Variants in PDE10A observed in about 807,000 individuals in gnomAD.
PDE10A encodes the protein phosphodiesterase 10A, also known as cAMP and cAMP-inhibited cGMP 3',5'-cyclic phosphodiesterase 10A.
Under a neutral mutation model 97.7 loss-of-function variants are expected in PDE10A, and 39 were observed. The ratio of observed to expected loss-of-function variants is 0.40; its 90% confidence interval spans 0.31 to 0.52. PDE10A has a LOEUF of 0.52. PDE10A is among the 20% of genes least tolerant of loss of function. The pLI, the probability that PDE10A is intolerant of heterozygous loss-of-function variation, is 0.56. For missense variants in PDE10A, 731 were observed against 1,047.8 expected, an observed-to-expected ratio of 0.70 and a Z score of 4.17; for synonymous variants, 371 against 376.8, an observed-to-expected ratio of 0.98 and a Z score of 0.18.
intron 1 of PDE10A, among the ~76,000 whole-genome samples, chr6:165,695,591 G>A (rs1486832125): frequency 6.6e-6 from 1 of 152,204 alleles, no homozygotes; most frequent in East Asian, 1.9e-4. Flanking sequence ...TTGGGAGTGG[G>A]GGAGAGGTGC....
intron 10 of PDE10A, among the ~76,000 whole-genome samples, chr6:165,422,619 T>C (rs1019575110): frequency 1.3e-5 from 2 of 152,194 alleles, no homozygotes; most frequent in African/African-American, 4.8e-5. Flanking sequence ...CAAGTCAAAC[T>C]AGCATAAAGG....
intron 1 of PDE10A, among the ~76,000 whole-genome samples, chr6:165,676,673 G>A (rs1402723603): frequency 6.6e-6 from 1 of 152,206 alleles, no homozygotes; most frequent in East Asian, 1.9e-4. Context: ...CTCACGGGCT[G>A]TTTAGGCCAC....
intron 1 of PDE10A, chr6:165,773,216 T>A (rs1207347400): frequency 1.3e-5 from 2 of 152,216 alleles, no homozygotes; most frequent in Non-Finnish European, 2.9e-5. Flanking sequence ...TTTCTCTTGT[T>A]TACTTATTGG....
At chr6:165,507,238 G>A (rs1169993567) in intron 2 of PDE10A, among the ~76,000 whole-genome samples, 1 of 152,020 alleles carries the variant, frequency 6.6e-6, no homozygotes, top group Non-Finnish European at 1.5e-5. Flanking sequence ...TTATTCTGAG[G>A]AGGAAGAGGT....
chr6:165,332,921 TA>T lies in PDE10A; in HGVS notation c.*103del. 1.4e-6 allele frequency: 1 copy of T among 735,950 alleles called. No homozygotes were observed. Among genetic ancestry groups the T allele is most frequent in the Non-Finnish European group, 2.5e-6 (1 of 404,828 alleles). The allele number at this position is 735,950 out of a possible 1,614,324, so 45.6% of individuals were successfully genotyped here. On this transcript the variant is annotated 3_prime_UTR_variant, in exon 22 of 22. Coordinates refer to ENST00000539869, the MANE Select transcript of PDE10A (RefSeq NM_001385079.1). ...TTCTTGAAGAGGTTTGCACCCCAGTTACCAGGTGCAGGTTCCCCCCACCCCC... is the reference window on the plus strand; with the variant it reads ...TTCTTGAAGAGGTTTGCACCCCAGTTCCAGGTGCAGGTTCCCCCCACCCCC...
rs1241239698 is a variant in PDE10A at position 165,691,203 on chromosome 6, C to CCACACACA, written c.-614-147643_-614-147636dup. ...TCTCTCTCTCCCTCTCTCTCTCTCCCCACACACACACACACACACACACAC... is the reference window on the plus strand; with the variant it reads ...TCTCTCTCTCCCTCTCTCTCTCTCCCCACACACACACACACACACACACACACACACAC... On this transcript the variant is annotated intron_variant, in intron 1 of 19. Transcript: ENST00000366882. Among the ~76,000 whole-genome samples, 110 of 108,650 alleles carry CCACACACA rather than the reference C, an allele frequency of 1.0e-3. 6 individuals carry two copies. The highest frequency in any genetic ancestry group is 4.5e-3 in the African/African-American group (99 of 22,232). The allele number at this position is 108,650 out of a possible 152,430, so 71.3% of individuals were successfully genotyped here.
At chr6:165,908,599 G>C (rs1164043068) in intron 1 of PDE10A, among the ~76,000 whole-genome samples, 1 of 152,184 alleles carries the variant, frequency 6.6e-6, no homozygotes, top group Non-Finnish European at 1.5e-5. Context: ...GTGAAGGCTG[G>C]AGGTGTCCCC....
chr6:165,968,914 G>T (rs909915277), intron 1 of PDE10A, among the ~76,000 whole-genome samples: 1 of 152,152 alleles, frequency 6.6e-6, no homozygotes, highest in Admixed American at 6.5e-5. Flanking sequence ...TCCATCTTAA[G>T]GTTGAATGCA....
intron 1 of PDE10A, among the ~76,000 whole-genome samples, chr6:165,923,446 A>G (rs1252167688): frequency 6.6e-6 from 1 of 152,230 alleles, no homozygotes; most frequent in African/African-American, 2.4e-5. Context: ...CACCGTCGAT[A>G]TGTAGATACA....
At chr6:165,510,187 A>G (rs1781430069) in intron 2 of PDE10A, among the ~76,000 whole-genome samples, 1 of 151,994 alleles carries the variant, frequency 6.6e-6, no homozygotes, top group African/African-American at 2.4e-5. Context: ...GCTTTCCCAC[A>G]TTCAGTATGA....
chr6:165,629,421 A>C (rs1362618054), intron 1 of PDE10A, among the ~76,000 whole-genome samples: 1 of 152,140 alleles, frequency 6.6e-6, no homozygotes, highest in Non-Finnish European at 1.5e-5. Flanking sequence ...GCCAGAAAAG[A>C]AGCCGTTTGA....
At chr6:165,987,846 G>T (rs1011818430) in exon 1 of PDE10A, 15 of 403,016 alleles carry the variant, frequency 3.7e-5, no homozygotes, top group African/African-American at 2.9e-4. Flanking sequence ...CCATCTGGGG[G>T]TCTCGGGGAA....
intron 1 of PDE10A, among the ~76,000 whole-genome samples, chr6:165,712,211 G>A (rs955047908): frequency 2.0e-5 from 3 of 152,170 alleles, no homozygotes; most frequent in Non-Finnish European, 2.9e-5. Flanking sequence ...ACATCAGTGG[G>A]ACTCAGAGGT....
At chr6:165,984,545 C>A (rs181128461) in intron 1 of PDE10A, among the ~76,000 whole-genome samples, 2 of 152,312 alleles carry the variant, frequency 1.3e-5, no homozygotes, top group Non-Finnish European at 1.5e-5. Flanking sequence ...GCCTATGTAC[C>A]TTTACAGAGC....
intron 18 of PDE10A, among the ~76,000 whole-genome samples, chr6:165,377,732 C>T (rs1162595087): frequency 6.6e-6 from 1 of 151,928 alleles, no homozygotes; most frequent in Admixed American, 6.6e-5. Context: ...TTCTGATTGC[C>T]ATAAAAAAAA....
intron 18 of PDE10A, among the ~76,000 whole-genome samples, chr6:165,350,924 A>C (rs1782649967): frequency 6.6e-6 from 1 of 152,144 alleles, no homozygotes; most frequent in Non-Finnish European, 1.5e-5. Flanking sequence ...ACTGTGAGTA[A>C]ATTAAACCTC....
intron 2 of PDE10A, among the ~76,000 whole-genome samples, chr6:165,489,035 C>T (rs1360872496): frequency 6.6e-6 from 1 of 152,230 alleles, no homozygotes; most frequent in African/African-American, 2.4e-5. Context: ...CTGTAGAAAC[C>T]TGAATATTTA....
chr6:165,412,098 ACAT>A (rs1403350047), intron 13 of PDE10A, among the ~76,000 whole-genome samples: 7 of 151,966 alleles, frequency 4.6e-5, no homozygotes, highest in Admixed American at 4.6e-4. Flanking sequence ...ATGTGATAAT[ACAT>A]AATACCACCA....
chr6:165,550,696 A>C (rs1783970437), intron 1 of PDE10A, among the ~76,000 whole-genome samples: 1 of 152,222 alleles, frequency 6.6e-6, no homozygotes. Flanking sequence ...CCAGGGGGCA[A>C]AACTAGAATT....
Sources: allele counts gnomAD v4.1 joint callset (sites outside exome capture counted in the v4.1 genomes callset), GRCh38; gene constraint gnomAD v4.1.1; transcripts MANE v1.5; gene names NCBI Gene and HGNC (gene_info 2026-07-23, HGNC 2026-07-21).